SEMA3A: variants seen among roughly 807,000 people sequenced by gnomAD.
SEMA3A encodes semaphorin-3A.
SEMA3A carries 29 observed loss-of-function variants against 97.9 expected under a neutral mutation model. The ratio of observed to expected loss-of-function variants is 0.30; its 90% CI spans 0.22 to 0.40. SEMA3A has a LOEUF of 0.40. Ranked by LOEUF, SEMA3A falls within the 10% of genes least tolerant of loss-of-function variation. SEMA3A has a pLI of 1.00. For missense variants in SEMA3A, 763 were observed against 951.3 expected, an observed-to-expected ratio of 0.80 and a Z score of 2.60; for synonymous variants, 321 against 323.7, an observed-to-expected ratio of 0.99 and a Z score of 0.09.
intron 4 of SEMA3A, among the ~76,000 whole-genome samples, chr7:84,070,201 G>A (rs1293257510): frequency 1.3e-5 from 2 of 152,098 alleles, no homozygotes; most frequent in East Asian, 1.9e-4. Flanking sequence ...GATGCTATGA[G>A]CATATCATAT....
At chr7:84,177,280 T>G (rs10278314) in intron 1 of SEMA3A, among the ~76,000 whole-genome samples, 1,648 of 152,198 alleles carry the variant, frequency 0.011, 23 homozygotes, top group African/African-American at 0.038. Flanking sequence ...AGAAGACACA[T>G]TATAATAAAG....
chr7:84,011,535 A>G (rs983823690), intron 7 of SEMA3A, among the ~76,000 whole-genome samples: 3 of 152,020 alleles, frequency 2.0e-5, no homozygotes. Context: ...TAGTCCCTTT[A>G]TTTATTCAAG....
At chr7:83,972,124 G>C (rs965155026) in intron 15 of SEMA3A, among the ~76,000 whole-genome samples, 1 of 151,810 alleles carries the variant, frequency 6.6e-6, no homozygotes, top group Non-Finnish European at 1.5e-5. Context: ...TGGTTAAACA[G>C]TCATAGGGCC....
intron 1 of SEMA3A, among the ~76,000 whole-genome samples, chr7:84,392,862 G>A (rs1205525109): frequency 6.6e-6 from 1 of 151,878 alleles, no homozygotes; most frequent in Non-Finnish European, 1.5e-5. Context: ...TGTCTATGTA[G>A]GTCCTTTATT....
At chr7:84,305,110 A>G (rs1801119233) in intron 3 of SEMA3A, among the ~76,000 whole-genome samples, 1 of 151,990 alleles carries the variant, frequency 6.6e-6, no homozygotes, top group African/African-American at 2.4e-5. Flanking sequence ...TTGCTTAAGC[A>G]AATAAGTTAT....
At position 84,007,481 on chromosome 7, in the gene SEMA3A, A is replaced by T; in HGVS notation, c.1012T>A (p.Ser338Thr). The part of the protein sequence containing the change: ...FTTSSNIFKG[S>T]AVCMYSMSDV... ...CTCATGCTATACATACACACGGCTG[A>T]TCCCTTGAAAATGTTACTGAACAAG... The change falls in exon 10 of 17, where the codon TCA becomes ACA. Residue 338 changes from serine to threonine, a missense_variant. By Grantham distance (58) the Ser-to-Thr change is moderately conservative (BLOSUM62 1). Transcript: ENST00000265362. 6.4e-7 allele frequency: 1 copy of T among 1,571,136 alleles called. No homozygotes were observed.
At chr7:84,198,557 T>C (rs533270152), upstream of SEMA3A, among the ~76,000 whole-genome samples, 24 of 152,236 alleles carry the variant, frequency 1.6e-4, no homozygotes, top group Non-Finnish European at 1.6e-4. Flanking sequence ...AATATTCTTA[T>C]TTATTTCTTC....
At chr7:84,202,552 A>G (rs1220991658) in intron 3 of SEMA3A, among the ~76,000 whole-genome samples, 10 of 152,170 alleles carry the variant, frequency 6.6e-5, no homozygotes, top group Non-Finnish European at 1.3e-4. Flanking sequence ...GGCTGTTGAC[A>G]TGACTTGGTA....
chr7:84,261,857 G>A (rs1799864061), intron 3 of SEMA3A, among the ~76,000 whole-genome samples: 1 of 152,234 alleles, frequency 6.6e-6, no homozygotes, highest in South Asian at 2.1e-4. Context: ...CAGTCACAGA[G>A]GTTTCAACTG....
chr7:83,986,952 C>T (rs1181912546), intron 12 of SEMA3A, among the ~76,000 whole-genome samples: 1 of 125,452 alleles, frequency 8.0e-6, no homozygotes, highest in Non-Finnish European at 1.8e-5. Context: ...TTCCTCTCTT[C>T]TCTCATCTCT....
chr7:84,440,949 G>C (rs1380922604), intron 1 of SEMA3A, among the ~76,000 whole-genome samples: 8 of 151,918 alleles, frequency 5.3e-5, no homozygotes, highest in Non-Finnish European at 1.2e-4. Context: ...ACCTGAGGTC[G>C]GGAGTTCGAG....
chr7:84,129,056 T>C, intron 3 of SEMA3A, 67 bp downstream of exon 3: 1 of 1,261,494 alleles, frequency 7.9e-7, no homozygotes, highest in Non-Finnish European at 1.2e-6. Context: ...TTTGAAACAC[T>C]TTTGTCCCAA....
At chr7:84,417,805 G>T (rs563091931) in intron 1 of SEMA3A, among the ~76,000 whole-genome samples, 19 of 151,984 alleles carry the variant, frequency 1.3e-4, no homozygotes, top group African/African-American at 4.3e-4. Flanking sequence ...AGTGGATAGA[G>T]GACTCTTCAT....
chr7:84,168,212 G>T (rs1252609582), intron 1 of SEMA3A, among the ~76,000 whole-genome samples: 1 of 151,906 alleles, frequency 6.6e-6, no homozygotes, highest in Non-Finnish European at 1.5e-5. Flanking sequence ...AAACAAAGAG[G>T]TAGCAAGACA....
chr7:84,391,761 A>T (rs1053374568), intron 1 of SEMA3A, among the ~76,000 whole-genome samples: 1 of 152,108 alleles, frequency 6.6e-6, no homozygotes, highest in Non-Finnish European at 1.5e-5. Context: ...TGCTGAGTCC[A>T]GGAGTTCAAG....
intron 5 of SEMA3A, among the ~76,000 whole-genome samples, chr7:84,054,204 T>C (rs529782573): frequency 2.0e-5 from 3 of 152,388 alleles, no homozygotes; most frequent in South Asian, 4.1e-4. Flanking sequence ...GAGTTGCTCT[T>C]CTCGAGGAGT....
chr7:83,988,723 CA>C (rs1402655417), intron 12 of SEMA3A, among the ~76,000 whole-genome samples: 1 of 151,814 alleles, frequency 6.6e-6, no homozygotes, highest in African/African-American at 2.4e-5. Flanking sequence ...AATAATTTTA[CA>C]CAAAAATTAT....
At chr7:84,094,125 G>T (rs534395050) in intron 4 of SEMA3A, among the ~76,000 whole-genome samples, 3 of 152,128 alleles carry the variant, frequency 2.0e-5, no homozygotes, top group African/African-American at 7.2e-5. Context: ...AGAGAGGGGA[G>T]AGGTGGAGAG....
chr7:84,412,226 T>A (rs920126724), intron 1 of SEMA3A, among the ~76,000 whole-genome samples: 1 of 152,104 alleles, frequency 6.6e-6, no homozygotes, highest in Non-Finnish European at 1.5e-5. Context: ...GGTCACAGGT[T>A]TTTAAGGAGC....
Sources: allele counts gnomAD v4.1 joint callset (sites outside exome capture counted in the v4.1 genomes callset), GRCh38; gene constraint gnomAD v4.1.1; transcripts MANE v1.5; gene names NCBI Gene and HGNC (gene_info 2026-07-23, HGNC 2026-07-21).